LOC400499: variants seen among roughly 807,000 people sequenced by gnomAD.
At chr16:11,495,539 C>G in the LOC400499 span, among the ~76,000 whole-genome samples, 1 of 152,180 alleles carries the variant, frequency 6.6e-6, no homozygotes, top group African/African-American at 2.4e-5. Context: ...TGCCACCACC[C>G]TTGGCTCATT....
chr16:11,429,453 A>T, the LOC400499 span, among the ~76,000 whole-genome samples: 1 of 152,202 alleles, frequency 6.6e-6, no homozygotes, highest in African/African-American at 2.4e-5. Context: ...GGGAGTTAGC[A>T]GGGAAAGCAT....
chr16:11,501,039 G>A, the LOC400499 span: 2 of 398,072 alleles, frequency 5.0e-6, no homozygotes, highest in East Asian at 7.1e-5. Context: ...TCACCCGGGG[G>A]TAAACTGAGG....
At chr16:11,472,039 T>G in the LOC400499 span, 1 of 386,120 alleles carries the variant, frequency 2.6e-6, no homozygotes, top group African/African-American at 2.1e-5. Context: ...ATTTGGGGGC[T>G]GTCCTGTGCA....
chr16:11,462,159 C>G, the LOC400499 span: 1 of 1,531,282 alleles, frequency 6.5e-7, no homozygotes, highest in Non-Finnish European at 8.7e-7. Context: ...CTCAGCGATG[C>G]GGAGAAGGCC....
At chr16:11,448,584 G>A in the LOC400499 span, among the ~76,000 whole-genome samples, 1 of 152,068 alleles carries the variant, frequency 6.6e-6, no homozygotes, top group Non-Finnish European at 1.5e-5. Context: ...GATGCATGGT[G>A]GCATGAGTGG....
At chr16:11,373,154 G>A in the LOC400499 span, among the ~76,000 whole-genome samples, 1 of 152,196 alleles carries the variant, frequency 6.6e-6, no homozygotes. Context: ...GCTAAAGGGA[G>A]CTCACTGTGT....
the LOC400499 span, chr16:11,383,497 G>GGCAGTCTTAATAAATGTTGTGACTCTTA: frequency 1.1e-6 from 1 of 918,510 alleles, no homozygotes; most frequent in Non-Finnish European, 1.4e-6. Flanking sequence ...CATCCAAACA[G>GGCAGTCTTAATAAATGTTGTGACTCTTA]GCAGTCTTAA....
the LOC400499 span, chr16:11,385,149 C>T: frequency 1.6e-6 from 2 of 1,230,078 alleles, no homozygotes; most frequent in Non-Finnish European, 1.0e-6. Flanking sequence ...AGGCGACCTG[C>T]CATGGGCACA....
the LOC400499 span, chr16:11,398,453 G>A: frequency 3.2e-6 from 4 of 1,232,166 alleles, no homozygotes; most frequent in African/African-American, 4.7e-5. Context: ...AGGCCCCGAG[G>A]ACGTGCTCCA....
At chr16:11,434,436 T>A in the LOC400499 span, among the ~76,000 whole-genome samples, 1 of 152,050 alleles carries the variant, frequency 6.6e-6, no homozygotes, top group Non-Finnish European at 1.5e-5. Flanking sequence ...GGGAATGGTG[T>A]CTGAAGTTGG....
At chr16:11,493,259 A>G in the LOC400499 span, among the ~76,000 whole-genome samples, 15 of 152,194 alleles carry the variant, frequency 9.9e-5, no homozygotes, top group Admixed American at 3.3e-4. Flanking sequence ...GTCTCTTGCA[A>G]TGACTTGACT....
chr16:11,464,625 C>T, the LOC400499 span, among the ~76,000 whole-genome samples: 2 of 152,322 alleles, frequency 1.3e-5, no homozygotes, highest in Non-Finnish European at 2.9e-5. Flanking sequence ...TCATCTGCCT[C>T]AGTTTCTTCA....
chr16:11,425,409 G>C, the LOC400499 span: 1 of 399,314 alleles, frequency 2.5e-6, no homozygotes, highest in Non-Finnish European at 4.4e-6. Context: ...CAGCACAGCT[G>C]AGTCAGCAGT....
the LOC400499 span, chr16:11,440,811 C>T: frequency 2.5e-6 from 1 of 398,918 alleles, no homozygotes; most frequent in Non-Finnish European, 4.4e-6. Context: ...AGATGATGCC[C>T]CCATCCAAGC....
At chr16:11,441,235 G>A in the LOC400499 span, among the ~76,000 whole-genome samples, 1 of 152,182 alleles carries the variant, frequency 6.6e-6, no homozygotes, top group Admixed American at 6.5e-5. Flanking sequence ...CAGGAAGCGG[G>A]GATGGGTACA....
chr16:11,501,581 C>T, the LOC400499 span, among the ~76,000 whole-genome samples: 1 of 152,022 alleles, frequency 6.6e-6, no homozygotes, highest in Admixed American at 6.6e-5. Flanking sequence ...TGGTCTCAAA[C>T]TCCTGAGCAT....
the LOC400499 span, among the ~76,000 whole-genome samples, chr16:11,395,931 C>T: frequency 6.6e-6 from 1 of 152,144 alleles, no homozygotes; most frequent in Non-Finnish European, 1.5e-5. Context: ...AGGTTCCTTC[C>T]TGGGATCACC....
At chr16:11,510,599 T>C in the LOC400499 span, among the ~76,000 whole-genome samples, 2 of 151,522 alleles carry the variant, frequency 1.3e-5, no homozygotes, top group Non-Finnish European at 2.9e-5. Flanking sequence ...ATCAATGATT[T>C]CCCCCTCCCA....
At chr16:11,502,985 A>C in the LOC400499 span, among the ~76,000 whole-genome samples, 3 of 139,868 alleles carry the variant, frequency 2.1e-5, no homozygotes, top group Non-Finnish European at 4.5e-5. Context: ...GCTGCAACAC[A>C]GTCACTTCTC....
Sources: allele counts gnomAD v4.1 joint callset (sites outside exome capture counted in the v4.1 genomes callset), GRCh38; gene constraint gnomAD v4.1.1; transcripts MANE v1.5.